Variants in RAB2A observed in about 807,000 individuals in gnomAD.
The protein encoded by RAB2A is RAB2A, member RAS oncogene family.
RAB2A carries 7 observed loss-of-function variants against 32.5 expected under a neutral mutation model. The ratio of observed to expected loss-of-function variants is 0.22; its 90% CI spans 0.12 to 0.40. The LOEUF is 0.40. Ranked by LOEUF, RAB2A falls within the 10% of genes least tolerant of loss-of-function variation. The probability of loss-of-function intolerance (pLI) is 1.00; values close to 1 mark genes in which losing one functional copy is unlikely to be tolerated. For synonymous variants in RAB2A, 79 were observed against 85.2 expected (o/e 0.93, Z 0.40); for missense variants, 108 against 260.7 (o/e 0.41, Z 4.03).
At chr8:60,617,928 A>G (rs1305739548) in intron 6 of RAB2A, among the ~76,000 whole-genome samples, 4 of 152,130 alleles carry the variant, frequency 2.6e-5, no homozygotes, top group Admixed American at 6.5e-5. Context: ...TTCTGTCTCC[A>G]TGGATTTGCC....
intron 1 of RAB2A, among the ~76,000 whole-genome samples, chr8:60,519,538 C>A (rs776168506): frequency 6.6e-6 from 1 of 152,210 alleles, no homozygotes; most frequent in Non-Finnish European, 1.5e-5. Context: ...AAGATTTTCA[C>A]AGTATCCTGG....
At chr8:60,554,234 A>T (rs901203963) in intron 1 of RAB2A, among the ~76,000 whole-genome samples, 1 of 152,240 alleles carries the variant, frequency 6.6e-6, no homozygotes, top group Non-Finnish European at 1.5e-5. Flanking sequence ...TCTTAGTGAG[A>T]ACCAGAACTA....
At chr8:60,593,303 G>C (rs1803971162) in intron 6 of RAB2A, among the ~76,000 whole-genome samples, 2 of 152,146 alleles carry the variant, frequency 1.3e-5, no homozygotes, top group Admixed American at 1.3e-4. Context: ...GTAGACCTTG[G>C]TGCCAGAGGA....
intron 1 of RAB2A, among the ~76,000 whole-genome samples, chr8:60,549,071 C>T (rs2130823701): frequency 6.6e-6 from 1 of 151,398 alleles, no homozygotes; most frequent in Middle Eastern, 3.4e-3. Flanking sequence ...TCCTCACTTC[C>T]CAGATGTGAT....
chr8:60,593,233 T>C (rs1016725538), intron 6 of RAB2A, among the ~76,000 whole-genome samples: 2 of 151,960 alleles, frequency 1.3e-5, no homozygotes, highest in African/African-American at 4.8e-5. Context: ...CATCATAGAG[T>C]GTACTTACAT....
At chr8:60,526,017 G>GCGCATATA (rs879271913) in intron 1 of RAB2A, among the ~76,000 whole-genome samples, 9 of 74,252 alleles carry the variant, frequency 1.2e-4, no homozygotes, top group African/African-American at 4.2e-4. Context: ...ATGTGTGTGT[G>GCGCATATA]TACATATATA....
chr8:60,528,886 A>G (rs1333433604), intron 1 of RAB2A, among the ~76,000 whole-genome samples: 1 of 152,092 alleles, frequency 6.6e-6, no homozygotes, highest in Non-Finnish European at 1.5e-5. Context: ...CCTGGTAATG[A>G]TTTAAAAGAC....
chr8:60,547,922 C>T (rs1399170297), intron 1 of RAB2A, among the ~76,000 whole-genome samples: 1 of 112,878 alleles, frequency 8.9e-6, no homozygotes, highest in African/African-American at 3.8e-5. Flanking sequence ...GCTGGCCGGG[C>T]AGAGTGGCTC....
chr8:60,559,256 G>T (rs1164736390), intron 2 of RAB2A: 3 of 233,938 alleles, frequency 1.3e-5, no homozygotes, highest in Admixed American at 5.3e-5. Flanking sequence ...TCAAGTCTCT[G>T]CTACTAACTT....
At chr8:60,534,811 T>C (rs1052265699) in intron 1 of RAB2A, among the ~76,000 whole-genome samples, 2 of 152,196 alleles carry the variant, frequency 1.3e-5, no homozygotes, top group Non-Finnish European at 2.9e-5. Context: ...CCTCTGGATA[T>C]CTGCATTAAG....
At chr8:60,601,756 A>T (rs1231804439) in intron 6 of RAB2A, among the ~76,000 whole-genome samples, 1 of 152,254 alleles carries the variant, frequency 6.6e-6, no homozygotes, top group Admixed American at 6.5e-5. Context: ...CAATGTCCAC[A>T]TGACAGATTT....
intron 2 of RAB2A, among the ~76,000 whole-genome samples, chr8:60,560,413 C>T (rs1360161677): frequency 6.6e-6 from 1 of 152,170 alleles, no homozygotes; most frequent in African/African-American, 2.4e-5. Flanking sequence ...CTTCGCTGCC[C>T]TCTCTATAGG....
chr8:60,609,895 G>C lies in RAB2A; in HGVS notation c.475-8685G>C, dbSNP rs200335405. ...GATCACTTGAGCTCAGGAGGGCAAG[G>C]CTTCAGTGAGCTGAGATCATGCCAC... On this transcript the variant is annotated intron_variant, in intron 6 of 7. Transcript: ENST00000262646. 1.1e-4 allele frequency among the ~76,000 whole-genome samples: 17 copies of C among 149,606 alleles called. No homozygotes were observed. The East Asian group carries it at 1.8e-3, about 16-fold the overall frequency.
chr8:60,597,347 A>G (rs1163552234), intron 6 of RAB2A, among the ~76,000 whole-genome samples: 3 of 152,196 alleles, frequency 2.0e-5, no homozygotes, highest in African/African-American at 4.8e-5. Flanking sequence ...ACAGAAATAG[A>G]AAACCAAACA....
At chr8:60,526,022 T>C (rs1323824675) in intron 1 of RAB2A, among the ~76,000 whole-genome samples, 576 of 54,608 alleles carry the variant, frequency 0.011, 10 homozygotes, top group South Asian at 0.079. Context: ...TGTGTGTACA[T>C]ATATATATAT....
rs1018651421 is a variant in RAB2A at position 60,558,942 on chromosome 8, A to G, written c.118+19A>G. On this transcript the variant is annotated intron_variant, in intron 2 of 7. Coordinates refer to ENST00000262646, the MANE Select transcript of RAB2A (RefSeq NM_002865.3). ...ACTATTGGTAAGTTTTATAAAAGGGATGAGAAGCACTAAAAGTTTTGGATA... is the reference window on the plus strand; with the variant it reads ...ACTATTGGTAAGTTTTATAAAAGGGGTGAGAAGCACTAAAAGTTTTGGATA... 2 of 1,576,544 alleles carry G rather than the reference A, an allele frequency of 1.3e-6. No individual in the cohort carries two copies. The highest frequency in any genetic ancestry group is 1.7e-6 in the Non-Finnish European group (2 of 1,147,736).
At chr8:60,550,854 C>T (rs954003238) in intron 1 of RAB2A, among the ~76,000 whole-genome samples, 1 of 152,156 alleles carries the variant, frequency 6.6e-6, no homozygotes, top group South Asian at 2.1e-4. Context: ...TGTGATTAGG[C>T]CCCTGTCATT....
At chr8:60,579,633 CTTT>C (rs60422550) in intron 3 of RAB2A, among the ~76,000 whole-genome samples, 2 of 148,594 alleles carry the variant, frequency 1.3e-5, no homozygotes, top group Non-Finnish European at 3.0e-5. Context: ...CCTAAGTTAA[CTTT>C]TTTTTTTTTG....
chr8:60,604,633 A>G lies in RAB2A; in HGVS notation c.474+12664A>G, dbSNP rs149752350. Among the ~76,000 whole-genome samples the G allele has an allele frequency of 1.7e-3, 257 of 152,322 alleles. 4 individuals are homozygous for G. Among genetic ancestry groups the G allele is most frequent in the East Asian group, 0.016 (84 of 5,180 alleles). ...CACTTTTGTTATGCTTTAGCAAGGA[A>G]GCTGGCTGCGTTGTGCCCCTGCCCT... On this transcript the variant is annotated intron_variant, in intron 6 of 7. Coordinates refer to ENST00000262646, the MANE Select transcript of RAB2A (RefSeq NM_002865.3).
Sources: gnomAD v4.1 joint callset for allele counts (sites outside exome capture counted in the v4.1 genomes callset) on GRCh38, gnomAD v4.1.1 for gene constraint, MANE v1.5 for transcripts, NCBI Gene and HGNC (gene_info 2026-07-23, HGNC 2026-07-21) for gene names.